PROM1: variants seen among roughly 807,000 people sequenced by gnomAD.
PROM1 encodes prominin-1.
Under a neutral mutation model 116.9 loss-of-function variants are expected in PROM1, and 105 were observed. The ratio of observed to expected loss-of-function variants is 0.90; its 90% CI spans 0.77 to 1.06. PROM1 has a LOEUF of 1.06. Ranked by LOEUF, PROM1 falls within the 50% of genes least tolerant of loss-of-function variation. The pLI is 0.00. For synonymous variants in PROM1, 393 were observed against 387.0 expected (o/e 1.02, Z -0.18); for missense variants, 1,122 against 1,045.2 (o/e 1.07, Z -1.01).
chr4:16,035,588 A>G (rs1353707142), intron 4 of PROM1, 147 bp downstream of exon 4: 6 of 800,262 alleles, frequency 7.5e-6, no homozygotes, highest in Non-Finnish European at 1.3e-5. Context: ...TAAATATTAC[A>G]GAGATATCTT....
At chr4:15,979,317 C>T in intron 26 of PROM1, 78 bp downstream of exon 26, 2 of 1,601,562 alleles carry the variant, frequency 1.2e-6, no homozygotes, top group Admixed American at 1.7e-5. Flanking sequence ...CAGCAGCATG[C>T]AGAAAATTCA....
chr4:15,974,892 TCA>T (rs887142932), intron 26 of PROM1, among the ~76,000 whole-genome samples: 13 of 152,170 alleles, frequency 8.5e-5, no homozygotes, highest in African/African-American at 2.9e-4. Flanking sequence ...CTGGGGGAAA[TCA>T]CAGTCTCAAG....
At chr4:15,994,287 A>T (rs1560431046) in intron 15 of PROM1, among the ~76,000 whole-genome samples, 1 of 152,222 alleles carries the variant, frequency 6.6e-6, no homozygotes, top group African/African-American at 2.4e-5. Context: ...CTTGGAAGAG[A>T]TGCAATAGGA....
chr4:15,991,589 C>T lies in PROM1; in HGVS notation c.1912-296G>A, dbSNP rs185020944. On this transcript the variant is annotated intron_variant, in intron 17 of 27. Coordinates refer to ENST00000447510, the MANE Select transcript of PROM1 (RefSeq NM_006017.3). ...GCCAGACACAAAAGATTATGTGTTA[C>T]GTAATCTTTTTTTTTTTTTTTACTA... is the stretch of plus-strand genomic sequence containing the variant. 2.8e-3 allele frequency among the ~76,000 whole-genome samples: 425 copies of T among 150,340 alleles called. 3 individuals are homozygous for T. The highest frequency in any genetic ancestry group is 0.011 in the Admixed American group (160 of 15,098).
Position 15,985,742 on chromosome 4 carries a change from A to G in PROM1, c.2280+18T>C, listed in dbSNP as rs1228563673. The G allele has an allele frequency of 6.6e-7, 1 of 1,509,500 alleles. No individual in the cohort carries two copies. Among genetic ancestry groups the G allele is most frequent in the South Asian group, 1.2e-5 (1 of 86,240 alleles). 93.5% of individuals were successfully genotyped at this position (1,509,500 alleles called of 1,614,324 possible). A position where few individuals can be genotyped will look rare whatever the true frequency, so the allele number is the denominator to read the frequency against. ...AAACTTGACCCCCCTTAACATTCATAAAAGATAAACTACTTACAGAGAACT... is the reference window on the plus strand; with the variant it reads ...AAACTTGACCCCCCTTAACATTCATGAAAGATAAACTACTTACAGAGAACT... On this transcript the variant is annotated intron_variant, in intron 22 of 27. Coordinates refer to ENST00000447510, the MANE Select transcript of PROM1 (RefSeq NM_006017.3).
At chr4:16,029,124 C>T (rs1289338990) in intron 5 of PROM1, among the ~76,000 whole-genome samples, 5 of 152,212 alleles carry the variant, frequency 3.3e-5, no homozygotes, top group African/African-American at 4.8e-5. Context: ...AACCAGACCT[C>T]ATTCACATGA....
chr4:16,079,608 C>T (rs550762167), intron 1 of PROM1, among the ~76,000 whole-genome samples: 2 of 152,192 alleles, frequency 1.3e-5, no homozygotes, highest in South Asian at 4.2e-4. Flanking sequence ...TAGCATCTGT[C>T]TCGGGATAAA....
rs1178088295 is a variant in PROM1 at position 16,033,327 on chromosome 4, C to G, written c.486G>C (p.Leu162=). 12 of 1,613,452 alleles carry G rather than the reference C, an allele frequency of 7.4e-6. No homozygotes were observed. The highest frequency in any genetic ancestry group is 1.0e-5 in the Non-Finnish European group (12 of 1,179,538). ...PFLRKCFAIS[L]LVICIIISIG... is the part of the protein sequence containing the mutation. ...GCCTTATTATTATACAAATCACCAA[C>G]AGGGAGATTGCAAAGCATTTCCTCA... The change falls in exon 5 of 28, where the codon CTG becomes CTC. Residue 162 remains leucine (L), a synonymous_variant. Coordinates refer to ENST00000447510, the MANE Select transcript of PROM1 (RefSeq NM_006017.3).
intron 2 of PROM1, among the ~76,000 whole-genome samples, chr4:16,056,511 A>G (rs1329184413): frequency 6.6e-6 from 1 of 152,168 alleles, no homozygotes; most frequent in Non-Finnish European, 1.5e-5. Flanking sequence ...GAGTCTATCA[A>G]GTGAGATAAA....
Position 16,023,290 on chromosome 4 carries a change from T to A in PROM1, c.784+36A>T, listed in dbSNP as rs757891517. The A allele has an allele frequency of 3.3e-6, 5 of 1,506,434 alleles. No individual in the cohort carries two copies. In the Admixed American group the frequency reaches 9.3e-5, roughly 28 times the overall value. The allele number at this position is 1,506,434 out of a possible 1,614,324, so 93.3% of individuals were successfully genotyped here. A position where few individuals can be genotyped will look rare whatever the true frequency, so the allele number is the denominator to read the frequency against. ...CCTGCCAAGCCCAGGGACTCCTGGA[T>A]GGAACTTTCTTTGGTCATTTTTGCC... On this transcript the variant is annotated intron_variant, in intron 8 of 27. Transcript: ENST00000447510.
chr4:16,015,545 C>A (rs1484735750), intron 10 of PROM1, among the ~76,000 whole-genome samples: 1 of 151,324 alleles, frequency 6.6e-6, no homozygotes, highest in Non-Finnish European at 1.5e-5. Context: ...CAAAACTCAG[C>A]CAGGCATGTT....
At chr4:16,021,595 G>A (rs924409823) in intron 8 of PROM1, among the ~76,000 whole-genome samples, 15 of 152,146 alleles carry the variant, frequency 9.9e-5, no homozygotes, top group Non-Finnish European at 1.8e-4. Context: ...TATTGCAAAC[G>A]CACTGACGCA....
rs367584470 is a variant in PROM1 at position 16,059,342 on chromosome 4, CT to C, written c.220+16344del. Among the ~76,000 whole-genome samples, 45 of 152,270 alleles carry C rather than the reference CT, an allele frequency of 3.0e-4. No individual in the cohort carries two copies. In the East Asian group the frequency reaches 8.1e-3, roughly 27 times the overall value. On this transcript the variant is annotated intron_variant, in intron 2 of 27. Transcript: ENST00000447510. ...GTAGACAAAATTCAGTGAGCTGTTT[CT>C]GCATTTTTCTGATGTATAGGTAAAC...
intron 2 of PROM1, among the ~76,000 whole-genome samples, chr4:16,064,762 G>A (rs1307204485): frequency 8.6e-5 from 13 of 151,960 alleles, no homozygotes; most frequent in African/African-American, 2.2e-4. Context: ...GCATGGTGGC[G>A]GGCGCCTGTA....
intron 2 of PROM1, among the ~76,000 whole-genome samples, chr4:16,068,084 G>A (rs1164953526): frequency 6.6e-6 from 1 of 152,204 alleles, no homozygotes; most frequent in Non-Finnish European, 1.5e-5. Flanking sequence ...TAGATGTACA[G>A]AGAAGCCAAG....
chr4:16,015,661 T>C (rs1380154802), intron 10 of PROM1, among the ~76,000 whole-genome samples: 1 of 151,782 alleles, frequency 6.6e-6, no homozygotes, highest in African/African-American at 2.4e-5. Flanking sequence ...CTGTACTCCA[T>C]CCTGGGTGAC....
At chr4:15,998,840 C>T (rs926722747) in intron 14 of PROM1, among the ~76,000 whole-genome samples, 3 of 152,034 alleles carry the variant, frequency 2.0e-5, no homozygotes, top group Non-Finnish European at 2.9e-5. Flanking sequence ...CTCAGCCTCC[C>T]GAGTAGTTAG....
Position 16,040,971 on chromosome 4 carries a change from T to C in PROM1, c.221-1970A>G, listed in dbSNP as rs189982863. 3.6e-4 allele frequency among the ~76,000 whole-genome samples: 55 copies of C among 152,342 alleles called. No homozygotes were observed. In the East Asian group the frequency reaches 0.011, roughly 29 times the overall value. ...TTCTGGGGAACTGCTTCTTCCATCC[T>C]CTCAGGCCACGTGGACTGGGGAAGC... is the stretch of plus-strand genomic sequence containing the variant. On this transcript the variant is annotated intron_variant, in intron 2 of 27. Transcript: ENST00000447510.
At chr4:15,982,693 A>G (rs1213983670) in intron 23 of PROM1, among the ~76,000 whole-genome samples, 2 of 152,116 alleles carry the variant, frequency 1.3e-5, no homozygotes, top group South Asian at 2.1e-4. Context: ...TGGAGGCTGG[A>G]CATAGAGAGA....
Sources: gnomAD v4.1 joint callset for allele counts (sites outside exome capture counted in the v4.1 genomes callset) on GRCh38, gnomAD v4.1.1 for gene constraint, MANE v1.5 for transcripts, NCBI Gene and HGNC (gene_info 2026-07-23, HGNC 2026-07-21) for gene names.